HCRTR2: variants seen among roughly 807,000 people sequenced by gnomAD.
HCRTR2 encodes orexin receptor type 2.
In HCRTR2, 22 loss-of-function variants were observed where a neutral mutation model predicts 49.0. That is an observed-to-expected ratio of 0.45 (90% CI 0.32 to 0.64). HCRTR2 has a LOEUF of 0.64. Ranked by LOEUF, HCRTR2 falls within the 30% of genes least tolerant of loss-of-function variation. The probability of loss-of-function intolerance (pLI) is 0.04; values close to 1 mark genes in which losing one functional copy is unlikely to be tolerated. For synonymous variants in HCRTR2, 236 were observed against 205.3 expected (o/e 1.15, Z -1.28); for missense variants, 491 against 559.4 (o/e 0.88, Z 1.23).
intron 1 of HCRTR2, among the ~76,000 whole-genome samples, chr6:55,217,620 C>CCCCTTT (rs1322942801): frequency 5.2e-4 from 79 of 152,038 alleles, no homozygotes; most frequent in African/African-American, 1.8e-3. Flanking sequence ...TACCTTGTTC[C>CCCCTTT]CCCTTTCTGT....
intron 1 of HCRTR2, among the ~76,000 whole-genome samples, chr6:55,118,556 G>A (rs1001912864): frequency 3.3e-5 from 5 of 151,774 alleles, no homozygotes; most frequent in Non-Finnish European, 7.4e-5. Flanking sequence ...AACCGTGCCA[G>A]CATCTGTTAT....
intron 1 of HCRTR2, among the ~76,000 whole-genome samples, chr6:55,109,272 G>A (rs1186555076): frequency 6.6e-6 from 1 of 152,084 alleles, no homozygotes; most frequent in Non-Finnish European, 1.5e-5. Context: ...CAAATGAGAA[G>A]GAGTCAGAAA....
At chr6:55,273,552 C>G (rs911716647) in intron 4 of HCRTR2, among the ~76,000 whole-genome samples, 7 of 152,214 alleles carry the variant, frequency 4.6e-5, no homozygotes, top group East Asian at 1.9e-4. Context: ...GATGTCTCAG[C>G]CCACTTCAGT....
chr6:55,226,439 C>T (rs1324314653), intron 1 of HCRTR2, among the ~76,000 whole-genome samples: 1 of 151,994 alleles, frequency 6.6e-6, no homozygotes, highest in Non-Finnish European at 1.5e-5. Flanking sequence ...CTCCCCAGTA[C>T]CTGGGATTAC....
chr6:55,269,474 CA>C (rs995784549), intron 4 of HCRTR2, among the ~76,000 whole-genome samples: 6 of 151,764 alleles, frequency 4.0e-5, no homozygotes, highest in Non-Finnish European at 8.8e-5. Context: ...AATTATTTTG[CA>C]AAAAAATACA....
chr6:55,130,918 G>T (rs780940777), intron 1 of HCRTR2, among the ~76,000 whole-genome samples: 1 of 151,832 alleles, frequency 6.6e-6, no homozygotes, highest in East Asian at 1.9e-4. Flanking sequence ...GATTGCTTGA[G>T]ATTCATGAAT....
intron 1 of HCRTR2, among the ~76,000 whole-genome samples, chr6:55,206,272 T>C (rs1035879711): frequency 1.3e-5 from 2 of 152,110 alleles, no homozygotes; most frequent in East Asian, 1.9e-4. Context: ...GAATTTGTAA[T>C]ATCTGAAACC....
At chr6:55,283,567 T>C (rs1283528018), downstream of HCRTR2, among the ~76,000 whole-genome samples, 1 of 152,196 alleles carries the variant, frequency 6.6e-6, no homozygotes, top group African/African-American at 2.4e-5. Context: ...TCGTATATTT[T>C]GTAGAAAATG....
At chr6:55,124,718 T>A (rs1407918178) in intron 1 of HCRTR2, among the ~76,000 whole-genome samples, 1 of 152,162 alleles carries the variant, frequency 6.6e-6, no homozygotes. Flanking sequence ...GGTGTTAAAG[T>A]CTCCCACTAT....
intron 1 of HCRTR2, among the ~76,000 whole-genome samples, chr6:55,132,008 G>T (rs567232086): frequency 1.3e-5 from 2 of 151,714 alleles, no homozygotes; most frequent in Admixed American, 1.3e-4. Context: ...TCTCAGCAAG[G>T]TTTTTCTGTA....
At chr6:55,260,747 A>G (rs1766738856) in intron 3 of HCRTR2, among the ~76,000 whole-genome samples, 1 of 152,236 alleles carries the variant, frequency 6.6e-6, no homozygotes, top group African/African-American at 2.4e-5. Context: ...TGTGGAGGAT[A>G]TTAAACTCAT....
intron 1 of HCRTR2, among the ~76,000 whole-genome samples, chr6:55,219,356 A>G (rs947341718): frequency 5.9e-5 from 9 of 152,242 alleles, no homozygotes; most frequent in African/African-American, 2.2e-4. Flanking sequence ...TCTTTTCTGA[A>G]CACAGTGGAA....
At chr6:55,240,434 C>A (rs759603015) in intron 1 of HCRTR2, among the ~76,000 whole-genome samples, 1 of 147,034 alleles carries the variant, frequency 6.8e-6, no homozygotes, top group Non-Finnish European at 1.5e-5. Flanking sequence ...GCACATTTCA[C>A]AACACAGATG....
chr6:55,226,854 G>T (rs1279848854), intron 1 of HCRTR2, among the ~76,000 whole-genome samples: 1 of 151,386 alleles, frequency 6.6e-6, no homozygotes, highest in Non-Finnish European at 1.5e-5. Context: ...GAGTAGCTGG[G>T]ACTACAGGTG....
intron 4 of HCRTR2, among the ~76,000 whole-genome samples, chr6:55,268,465 T>TG (rs1401836583): frequency 2.0e-5 from 3 of 152,172 alleles, no homozygotes; most frequent in African/African-American, 7.2e-5. Flanking sequence ...AACTTTATGC[T>TG]GTCTACAAGA....
intron 3 of HCRTR2, among the ~76,000 whole-genome samples, chr6:55,257,073 G>A (rs1766666613): frequency 6.6e-6 from 1 of 152,026 alleles, no homozygotes; most frequent in South Asian, 2.1e-4. Context: ...TGTCCAGAAA[G>A]CAAGAAAATC....
chr6:55,169,081 C>A (rs964799070), intron 1 of HCRTR2, among the ~76,000 whole-genome samples: 11 of 151,514 alleles, frequency 7.3e-5, no homozygotes, highest in South Asian at 2.1e-4. Context: ...CATTTTCAGA[C>A]CTTTTTAGGT....
chr6:55,282,370 A>T lies in HCRTR2; in HGVS notation c.1251A>T (p.Ile417=), dbSNP rs1767209677. ...CTCAAATCAGCAACTTTGATAACAT[A>T]TCAAAACTTTCTGAGCAAGTTGTGC... ...LTTQISNFDN[I]SKLSEQVVLT... The change falls in exon 7 of 7, where the codon ATA becomes ATT. Residue 417 remains isoleucine (I), a synonymous_variant. Transcript: ENST00000370862. The T allele has an allele frequency of 1.2e-6, 2 of 1,613,468 alleles. No individual in the cohort carries two copies. Among genetic ancestry groups the T allele is most frequent in the Non-Finnish European group, 1.7e-6 (2 of 1,179,678 alleles).
chr6:55,233,166 G>C (rs1375269426), intron 1 of HCRTR2, among the ~76,000 whole-genome samples: 1 of 150,904 alleles, frequency 6.6e-6, no homozygotes, highest in Non-Finnish European at 1.5e-5. Context: ...TCAGCTCACT[G>C]CAATCTCCGC....
Sources: allele counts gnomAD v4.1 joint callset (sites outside exome capture counted in the v4.1 genomes callset), GRCh38; gene constraint gnomAD v4.1.1; transcripts MANE v1.5; gene names NCBI Gene and HGNC (gene_info 2026-07-23, HGNC 2026-07-21).